SPTLC2: variants seen among roughly 807,000 people sequenced by gnomAD.
SPTLC2 encodes the protein serine palmitoyltransferase long chain base subunit 2.
In SPTLC2, 21 loss-of-function variants were observed where a neutral mutation model predicts 62.0. That is an observed-to-expected ratio of 0.34 (90% CI 0.24 to 0.49). SPTLC2 has a LOEUF of 0.49. Among genes scored for constraint, SPTLC2 ranks in the 20% least tolerant of loss-of-function variants. SPTLC2 has a pLI of 0.99. For synonymous variants in SPTLC2, 261 were observed against 261.8 expected, an observed-to-expected ratio of 1.00 and a Z score of 0.03; for missense variants, 511 against 713.0, an observed-to-expected ratio of 0.72 and a Z score of 3.23.
In SPTLC2 at chr14:77,555,396, C is replaced by T. The variant is rs764651221; in HGVS notation, c.1080G>A (p.Val360=). The change falls in exon 8 of 12, where the codon GTG becomes GTA. Residue 360 remains valine, a synonymous_variant. Transcript: ENST00000216484. ...CCTCGGGATCCAGGCCAAAGTACTC[C>T]ACCACACCCCGGCCTGTGGGGCCCA... ...GALGPTGRGV[V]EYFGLDPEDV... 2.5e-6 allele frequency: 4 copies of T among 1,614,068 alleles called. No individual in the cohort carries two copies. In the Admixed American group the frequency reaches 6.7e-5, roughly 27 times the overall value.
chr14:77,564,352 A>G (rs2079632186), intron 5 of SPTLC2, among the ~76,000 whole-genome samples: 1 of 151,034 alleles, frequency 6.6e-6, no homozygotes, highest in African/African-American at 2.4e-5. Context: ...AGAAGACTAG[A>G]GCCGGCAGTA....
In SPTLC2 at chr14:77,529,253, CTTTT is replaced by C. The variant is rs67561245; in HGVS notation, c.1304-7676_1304-7673del. Among the ~76,000 whole-genome samples the C allele has an allele frequency of 6.0e-3, 728 of 122,162 alleles. 7 individuals are homozygous for C. The highest frequency in any genetic ancestry group is 0.019 in the African/African-American group (678 of 35,194). The allele number at this position is 122,162 out of a possible 152,430, so 80.1% of individuals were successfully genotyped here. Reference sequence around the variant, plus strand: ...TGAAGTTTCTCTTTGAAAACTTCTTCTTTTTTTTTTTTTTTTTTTTTTAACAAAT... The same window carrying C: ...TGAAGTTTCTCTTTGAAAACTTCTTCTTTTTTTTTTTTTTTTTTAACAAAT... On this transcript the variant is annotated intron_variant, in intron 9 of 11. Coordinates refer to ENST00000216484, the MANE Select transcript of SPTLC2 (RefSeq NM_004863.4).
At chr14:77,552,356 G>A (rs2079560105) in intron 8 of SPTLC2, 134 bp from the exon 9 acceptor site, 4 of 1,089,868 alleles carry the variant, frequency 3.7e-6, no homozygotes, top group South Asian at 2.7e-5. Context: ...TGAGATACAA[G>A]GTCAACCAAC....
At chr14:77,582,829 G>A (rs1021743950) in intron 2 of SPTLC2, among the ~76,000 whole-genome samples, 5 of 152,174 alleles carry the variant, frequency 3.3e-5, no homozygotes, top group African/African-American at 4.8e-5. Flanking sequence ...ACTTACGGCC[G>A]AAATCTCAGC....
intron 1 of SPTLC2, among the ~76,000 whole-genome samples, chr14:77,605,930 T>C (rs78822066): frequency 0.036 from 5,414 of 152,322 alleles, 128 homozygotes; most frequent in South Asian, 0.078. Context: ...CCAACTCAGT[T>C]GTTTGGATAG....
chr14:77,559,881 A>G (rs544427002), intron 6 of SPTLC2, among the ~76,000 whole-genome samples: 17 of 152,248 alleles, frequency 1.1e-4, no homozygotes, highest in African/African-American at 3.4e-4. Context: ...ATGCAGCAAG[A>G]CCCTGTCTCA....
At chr14:77,517,987 G>C in intron 11 of SPTLC2, 51 bp downstream of exon 11, 27 of 1,611,202 alleles carry the variant, frequency 1.7e-5, no homozygotes, top group Non-Finnish European at 2.2e-5. Flanking sequence ...CTAATATACA[G>C]GCCCTTTTAA....
At chr14:77,530,328 A>AAAT (rs1555373730) in intron 9 of SPTLC2, among the ~76,000 whole-genome samples, 13 of 149,354 alleles carry the variant, frequency 8.7e-5, no homozygotes, top group Non-Finnish European at 1.8e-4. Context: ...AAAAAAAAAA[A>AAAT]TATTTATTTA....
In SPTLC2 at chr14:77,616,503, C is replaced by A; in HGVS notation, c.77G>T (p.Arg26Leu). ...ANGCVANGEV[R>L]NGYVRSSAAA... ...AGCGCTGCTCCTCACGTACCCGTTC[C>A]GTACTTCCCCGTTCGCCACGCAGCC... is the stretch of plus-strand genomic sequence containing the variant. The change falls in exon 1 of 12, where the codon CGG (arginine) becomes CTG (leucine). Residue 26 changes from arginine (R) to leucine (L), a missense_variant. Coordinates refer to ENST00000216484, the MANE Select transcript of SPTLC2 (RefSeq NM_004863.4). 1.3e-6 allele frequency: 2 copies of A among 1,533,914 alleles called. No individual in the cohort carries two copies. The highest frequency in any genetic ancestry group is 1.7e-6 in the Non-Finnish European group (2 of 1,145,594).
chr14:77,539,883 T>C (rs1003922235), intron 9 of SPTLC2, among the ~76,000 whole-genome samples: 2 of 152,086 alleles, frequency 1.3e-5, no homozygotes, highest in African/African-American at 4.8e-5. Flanking sequence ...AAACTTCTTA[T>C]TGTGGCTTGA....
intron 2 of SPTLC2, among the ~76,000 whole-genome samples, chr14:77,579,704 C>T (rs2079737148): frequency 6.6e-6 from 1 of 152,058 alleles, no homozygotes; most frequent in African/African-American, 2.4e-5. Context: ...TATGATGGCA[C>T]CACTGTACTC....
At chr14:77,535,454 G>A (rs1385934815) in intron 9 of SPTLC2, 1 of 153,100 alleles carries the variant, frequency 6.5e-6, no homozygotes, top group Non-Finnish European at 1.5e-5. Flanking sequence ...ATCACACTGA[G>A]AGCTATCTAT....
chr14:77,547,177 T>A (rs1594982277), intron 9 of SPTLC2, among the ~76,000 whole-genome samples: 1 of 148,890 alleles, frequency 6.7e-6, no homozygotes, highest in East Asian at 2.0e-4. Context: ...AACAAGTATT[T>A]TTTTTTTTTT....
At chr14:77,531,447 C>CTTCTTCTTCTTT (rs2079438473) in intron 9 of SPTLC2, among the ~76,000 whole-genome samples, 1 of 135,686 alleles carries the variant, frequency 7.4e-6, no homozygotes, top group Non-Finnish European at 1.5e-5. Flanking sequence ...TCTTCTTCTC[C>CTTCTTCTTCTTT]TCCTTCTCCT....
At chr14:77,550,250 C>G (rs1347186452) in intron 9 of SPTLC2, among the ~76,000 whole-genome samples, 1 of 152,208 alleles carries the variant, frequency 6.6e-6, no homozygotes. Context: ...TAGCACAGAT[C>G]AGAAAAAATG....
At position 77,570,492 on chromosome 14, in the gene SPTLC2, A is replaced by G. The variant is rs374561654; in HGVS notation, c.648T>C (p.His216=). 6.2e-7 allele frequency: 1 copy of G among 1,613,808 alleles called. No individual in the cohort carries two copies. The highest frequency in any genetic ancestry group is 1.3e-5 in the African/African-American group (1 of 74,916). The part of the protein sequence containing the change: ...TRQEIGNLDK[H]EELEELVARF... ...TTGCTACAAGCTCCTCTAGTTCTTC[A>G]TGCTTGTCCAGGTTTCCTGTGTGAA... The change falls in exon 5 of 12, where the codon CAT becomes CAC. Residue 216 remains histidine (H), a synonymous_variant. Coordinates refer to ENST00000216484, the MANE Select transcript of SPTLC2 (RefSeq NM_004863.4).
At chr14:77,603,556 G>A (rs1273443925) in intron 1 of SPTLC2, among the ~76,000 whole-genome samples, 2 of 152,170 alleles carry the variant, frequency 1.3e-5, no homozygotes, top group African/African-American at 2.4e-5. Flanking sequence ...TTTTTCAGCA[G>A]GGAAATTCTG....
At chr14:77,527,074 G>GT (rs2079412478) in intron 9 of SPTLC2, among the ~76,000 whole-genome samples, 1 of 148,272 alleles carries the variant, frequency 6.7e-6, no homozygotes. Context: ...GATTACAGGC[G>GT]TGAGCCACTG....
At chr14:77,609,021 T>C (rs2079920808) in intron 1 of SPTLC2, among the ~76,000 whole-genome samples, 1 of 151,482 alleles carries the variant, frequency 6.6e-6, no homozygotes, top group African/African-American at 2.4e-5. Context: ...AAAGCCCGGA[T>C]TGGCTAGAAA....
Sources: gnomAD v4.1 joint callset for allele counts (sites outside exome capture counted in the v4.1 genomes callset) on GRCh38, gnomAD v4.1.1 for gene constraint, MANE v1.5 for transcripts, NCBI Gene and HGNC (gene_info 2026-07-23, HGNC 2026-07-21) for gene names.